SLC24A4: variants seen among roughly 807,000 people sequenced by gnomAD.
SLC24A4 encodes sodium/potassium/calcium exchanger 4.
In SLC24A4, 53 loss-of-function variants were observed where a neutral mutation model predicts 79.0. The observed-to-expected ratio is 0.67, with a 90% confidence interval of 0.54 to 0.84. The LOEUF is 0.84. SLC24A4 is among the 40% of genes least tolerant of loss of function. SLC24A4 has a pLI of 0.00. For missense variants in SLC24A4, 731 were observed against 822.0 expected (o/e 0.89, Z 1.35); for synonymous variants, 323 against 323.8 (o/e 1.00, Z 0.03).
chr14:92,379,430 C>A (rs962160332), intron 2 of SLC24A4, among the ~76,000 whole-genome samples: 2 of 152,156 alleles, frequency 1.3e-5, no homozygotes, highest in African/African-American at 4.8e-5. Context: ...TCCCTGGTTG[C>A]AGGGGTGGGT....
chr14:92,489,547 C>T (rs1430765137), intron 14 of SLC24A4, among the ~76,000 whole-genome samples: 2 of 152,166 alleles, frequency 1.3e-5, no homozygotes, highest in Non-Finnish European at 2.9e-5. Context: ...CATATCCTGG[C>T]CTCCCTCCAG....
At position 92,482,759 on chromosome 14, in the gene SLC24A4, C is replaced by T; in HGVS notation, c.1335C>T (p.Ser445=). Residue 445 remains serine (S), a synonymous_variant, in exon 13 of 17, where the codon AGC becomes AGT. Coordinates refer to ENST00000532405, the MANE Select transcript of SLC24A4 (RefSeq NM_153646.4). ...TGTGCGTCACCATTCCCAACTGCAG[C>T]AAGCCCCGCTGGGAGAAGTTCTTCA... ...FLLCVTIPNC[S]KPRWEKFFMV... The T allele has an allele frequency of 6.2e-7, 1 of 1,614,134 alleles. No individual in the cohort carries two copies. Among genetic ancestry groups the T allele is most frequent in the Non-Finnish European group, 8.5e-7 (1 of 1,180,008 alleles).
chr14:92,359,620 A>G (rs1432505301), intron 2 of SLC24A4, among the ~76,000 whole-genome samples: 1 of 152,090 alleles, frequency 6.6e-6, no homozygotes, highest in Non-Finnish European at 1.5e-5. Context: ...AAGATCAAGC[A>G]TTACCACACA....
At chr14:92,418,764 TG>T (rs543557178) in intron 2 of SLC24A4, among the ~76,000 whole-genome samples, 10 of 152,290 alleles carry the variant, frequency 6.6e-5, no homozygotes, top group African/African-American at 2.4e-4. Flanking sequence ...TGCAGTGGCG[TG>T]ATCTCGGCTC....
chr14:92,402,085 C>T (rs1890145639), intron 2 of SLC24A4, among the ~76,000 whole-genome samples: 1 of 152,146 alleles, frequency 6.6e-6, no homozygotes, highest in Middle Eastern at 3.2e-3. Flanking sequence ...TTGCAGTCCT[C>T]AGATAACATT....
intron 14 of SLC24A4, among the ~76,000 whole-genome samples, chr14:92,488,067 T>C (rs117509602): frequency 0.05 from 7,349 of 148,288 alleles, 291 homozygotes; most frequent in Non-Finnish European, 0.079. Context: ...TCCTCCTCCT[T>C]CTTCCTCTTT....
At chr14:92,345,455 C>T (rs186066016) in intron 2 of SLC24A4, among the ~76,000 whole-genome samples, 1 of 152,274 alleles carries the variant, frequency 6.6e-6, no homozygotes, top group Non-Finnish European at 1.5e-5. Flanking sequence ...AATCCCAGCA[C>T]TTTGGGAGGC....
intron 3 of SLC24A4, among the ~76,000 whole-genome samples, chr14:92,437,459 G>A (rs1338510034): frequency 6.6e-6 from 1 of 152,214 alleles, no homozygotes; most frequent in Non-Finnish European, 1.5e-5. Context: ...ACAGAGGGAT[G>A]GGCCAGAGAG....
rs1240165582 is a variant in SLC24A4, at chr14:92,398,878, C to G, written c.242-35034C>G. The stretch of plus-strand genomic sequence containing the variant: ...CTTCCTTAAATCGTCAACTCAATGC[C>G]TGCTTCTTTCCCAGGATTGGATCTT... On this transcript the variant is annotated intron_variant, in intron 2 of 16. Coordinates refer to ENST00000532405, the MANE Select transcript of SLC24A4 (RefSeq NM_153646.4). The surrounding 1 kb of genome is among the most constrained non-coding windows in gnomAD (Gnocchi z 4.1). Among the ~76,000 whole-genome samples the G allele has an allele frequency of 6.6e-6, 1 of 152,220 alleles. No homozygotes were observed. The highest frequency in any genetic ancestry group is 2.4e-5 in the African/African-American group (1 of 41,462).
intron 2 of SLC24A4, among the ~76,000 whole-genome samples, chr14:92,327,196 T>C (rs1387735048): frequency 2.6e-5 from 4 of 152,178 alleles, no homozygotes; most frequent in Non-Finnish European, 4.4e-5. Context: ...TTTCATACTG[T>C]TTTTATGCTA....
intron 2 of SLC24A4, among the ~76,000 whole-genome samples, chr14:92,341,652 G>T (rs1445718970): frequency 5.3e-5 from 8 of 152,172 alleles, no homozygotes; most frequent in African/African-American, 1.9e-4. Context: ...TCGACGGGCA[G>T]CTTGCCTCCC....
intron 10 of SLC24A4, among the ~76,000 whole-genome samples, chr14:92,449,974 C>T (rs941129089): frequency 6.6e-6 from 1 of 152,230 alleles, no homozygotes; most frequent in African/African-American, 2.4e-5. Flanking sequence ...AGGCGGCTCC[C>T]TTTGTTGGGG....
At chr14:92,426,639 A>G (rs1271350112) in intron 2 of SLC24A4, among the ~76,000 whole-genome samples, 1 of 152,204 alleles carries the variant, frequency 6.6e-6, no homozygotes, top group East Asian at 1.9e-4. Flanking sequence ...GACTTAATCT[A>G]ATTATTTTTA....
rs985123635 is a variant in SLC24A4, at chr14:92,442,811, G to T, written c.577G>T (p.Gly193Cys). The T allele has an allele frequency of 1.9e-6, 3 of 1,613,686 alleles. No homozygotes were observed. In the African/African-American group the frequency reaches 4.0e-5, roughly 22 times the overall value. Residue 193 changes from glycine (G) to cysteine (C), a missense_variant, in exon 6 of 17, where the codon GGC (glycine) becomes TGC (cysteine). Transcript: ENST00000532405. ...AATTGGAGTGTGCGGACTGTTTGCT[G>T]GCCAGGTCAGTGGTTTCTCCCTGGG... is the stretch of plus-strand genomic sequence containing the variant. ...CIIGVCGLFAGQVVRLTWWAV... is the reference protein window; with the variant it reads ...CIIGVCGLFACQVVRLTWWAV...
At position 92,496,424 on chromosome 14, in the gene SLC24A4, A is replaced by G. The variant is rs1015350049; in HGVS notation, c.*2796A>G. 1.3e-5 allele frequency: 2 copies of G among 152,172 alleles called. No individual in the cohort carries two copies. Among genetic ancestry groups the G allele is most frequent in the African/African-American group, 4.8e-5 (2 of 41,424 alleles). 9.4% of individuals were successfully genotyped at this position (152,172 alleles called of 1,614,324 possible). Reference sequence around the variant, plus strand: ...ATTAGCATGGGATAATTACTCTGCTACAGAAATAGGCAATTTAAAAAAATG... The same window carrying G: ...ATTAGCATGGGATAATTACTCTGCTGCAGAAATAGGCAATTTAAAAAAATG... On this transcript the variant is annotated 3_prime_UTR_variant, in exon 17 of 17. Coordinates refer to ENST00000532405, the MANE Select transcript of SLC24A4 (RefSeq NM_153646.4).
intron 3 of SLC24A4, among the ~76,000 whole-genome samples, chr14:92,434,805 G>A (rs748323318): frequency 7.9e-5 from 12 of 152,136 alleles, no homozygotes; most frequent in Non-Finnish European, 1.3e-4. Flanking sequence ...ATGGAGTCTC[G>A]CTCTGTCGCC....
intron 3 of SLC24A4, among the ~76,000 whole-genome samples, chr14:92,436,632 T>C (rs953546222): frequency 3.9e-5 from 6 of 152,202 alleles, no homozygotes; most frequent in Non-Finnish European, 7.3e-5. Context: ...GGTAGATGAA[T>C]GCTGACCTCT....
chr14:92,489,293 G>T (rs535405717), intron 14 of SLC24A4, among the ~76,000 whole-genome samples: 2 of 152,162 alleles, frequency 1.3e-5, no homozygotes, highest in Non-Finnish European at 2.9e-5. Context: ...AAAAAAATTA[G>T]CCAGGCGTGG....
intron 2 of SLC24A4, among the ~76,000 whole-genome samples, chr14:92,376,710 TC>T (rs1335608898): frequency 1.3e-5 from 2 of 152,172 alleles, no homozygotes; most frequent in Non-Finnish European, 2.9e-5. Flanking sequence ...CTCGTTTAGC[TC>T]AGGTGCCTGG....
Sources: allele counts gnomAD v4.1 joint callset (sites outside exome capture counted in the v4.1 genomes callset), GRCh38; gene constraint gnomAD v4.1.1; non-coding constraint Gnocchi (gnomAD v3.1); transcripts MANE v1.5; gene names NCBI Gene and HGNC (gene_info 2026-07-23, HGNC 2026-07-21).